Variants in FBN1 observed in about 807,000 individuals in gnomAD.
FBN1 encodes the protein fibrillin 1, also known as fibrillin-1.
In FBN1, 29 loss-of-function variants were observed where a neutral mutation model predicts 365.1. The observed-to-expected ratio is 0.08, with a 90% CI of 0.06 to 0.11. FBN1 has a LOEUF of 0.11. Among genes scored for constraint, FBN1 ranks in the 10% least tolerant of loss-of-function variants. The pLI is 1.00. For synonymous variants in FBN1, 1,210 were observed against 1,270.5 expected (o/e 0.95, Z 1.01); for missense variants, 2,476 against 3,703.2 (o/e 0.67, Z 8.60).
At chr15:48,415,400 A>C in intron 64 of FBN1, 136 bp downstream of exon 64, 1 of 738,982 alleles carries the variant, frequency 1.4e-6, no homozygotes, top group Non-Finnish European at 2.3e-6. Flanking sequence ...ACTTTTGCCA[A>C]GCTAACTGGA....
rs373719315 is a variant in FBN1 at position 48,526,065 on chromosome 15, T to TA, written c.988+64dup. 2.4e-4 allele frequency: 389 copies of TA among 1,596,446 alleles called. 1 individual carries two copies. In the African/African-American group the frequency reaches 4.6e-3, roughly 19 times the overall value. On this transcript the variant is annotated intron_variant, in intron 9 of 65. Transcript: ENST00000316623. Reference sequence around the variant, plus strand: ...ATATGTGCTCCTTAACAAGCTTGTTTAGAAAGTTGTTTGTTATGGAACTGA... The same window carrying TA: ...ATATGTGCTCCTTAACAAGCTTGTTTAAGAAAGTTGTTTGTTATGGAACTGA...
chr15:48,430,637 G>T, intron 56 of FBN1, 34 bp downstream of exon 56: 1 of 1,612,478 alleles, frequency 6.2e-7, no homozygotes. Context: ...CACTTCTGAT[G>T]CACTCAAAGC....
At chr15:48,514,665 G>A (rs2043786792) in intron 12 of FBN1, among the ~76,000 whole-genome samples, 3 of 152,108 alleles carry the variant, frequency 2.0e-5, no homozygotes, top group Admixed American at 2.0e-4. Context: ...TAGTCTAAGA[G>A]AGTTGGTAAG....
intron 6 of FBN1, among the ~76,000 whole-genome samples, chr15:48,583,051 A>G (rs1391329177): frequency 6.6e-6 from 1 of 152,156 alleles, no homozygotes; most frequent in East Asian, 1.9e-4. Context: ...CACACCTCTC[A>G]ATGTGTGGCC....
At chr15:48,416,156 G>C (rs182672592) in intron 63 of FBN1, among the ~76,000 whole-genome samples, 75 of 152,274 alleles carry the variant, frequency 4.9e-4, no homozygotes, top group Non-Finnish European at 8.4e-4. Context: ...AGGGTTCAAG[G>C]GGGGAGGAAA....
At chr15:48,531,952 T>G (rs887913928) in intron 8 of FBN1, among the ~76,000 whole-genome samples, 17 of 152,220 alleles carry the variant, frequency 1.1e-4, no homozygotes, top group African/African-American at 4.1e-4. Context: ...GCCAAAATAG[T>G]CTGTTTTTAT....
intron 7 of FBN1, among the ~76,000 whole-genome samples, chr15:48,535,419 T>C (rs796460481): frequency 4.6e-5 from 7 of 152,336 alleles, no homozygotes; most frequent in African/African-American, 1.7e-4. Context: ...AGCCCAAATA[T>C]TAACCTTCCA....
intron 13 of FBN1, among the ~76,000 whole-genome samples, chr15:48,512,179 T>C (rs1021418876): frequency 2.6e-5 from 4 of 152,194 alleles, no homozygotes; most frequent in African/African-American, 9.6e-5. Flanking sequence ...AATTCATAAA[T>C]TTTGAAGCCA....
chr15:48,548,182 T>C (rs1486887375), intron 6 of FBN1, among the ~76,000 whole-genome samples: 1 of 152,182 alleles, frequency 6.6e-6, no homozygotes, highest in Non-Finnish European at 1.5e-5. Context: ...TCGTCCATTT[T>C]TCAGACCTGC....
intron 2 of FBN1, among the ~76,000 whole-genome samples, chr15:48,621,433 T>C (rs1889763276): frequency 6.6e-6 from 1 of 152,198 alleles, no homozygotes; most frequent in Non-Finnish European, 1.5e-5. Flanking sequence ...AACCCATAAT[T>C]TCAATGTAAT....
intron 24 of FBN1, among the ~76,000 whole-genome samples, chr15:48,491,851 C>T (rs937315760): frequency 2.0e-5 from 3 of 152,270 alleles, no homozygotes; most frequent in East Asian, 3.9e-4. Flanking sequence ...ATGAGATGTG[C>T]GATCTCAAAC....
At chr15:48,595,801 A>C (rs1360790503) in intron 6 of FBN1, among the ~76,000 whole-genome samples, 6 of 152,182 alleles carry the variant, frequency 3.9e-5, no homozygotes, top group Admixed American at 3.9e-4. Flanking sequence ...GCAGACACTC[A>C]ATATATCTAT....
intron 58 of FBN1, among the ~76,000 whole-genome samples, chr15:48,426,245 G>A (rs1045281699): frequency 3.3e-5 from 5 of 152,194 alleles, no homozygotes; most frequent in Non-Finnish European, 7.3e-5. Flanking sequence ...CACAGAAGCA[G>A]ATCCTTTTGA....
At chr15:48,434,510 G>T (rs2043048957) in intron 54 of FBN1, 84 bp downstream of exon 54, 3 of 1,543,370 alleles carry the variant, frequency 1.9e-6, no homozygotes, top group African/African-American at 1.4e-5. Flanking sequence ...ACCCTGAGTT[G>T]TATTTAATAT....
chr15:48,496,813 C>T (rs1396184507), intron 19 of FBN1, among the ~76,000 whole-genome samples: 1 of 152,100 alleles, frequency 6.6e-6, no homozygotes, highest in South Asian at 2.1e-4. Flanking sequence ...GAATAATATG[C>T]CTGTCTGAAG....
chr15:48,502,929 T>C (rs1236780403), intron 17 of FBN1, among the ~76,000 whole-genome samples: 1 of 152,128 alleles, frequency 6.6e-6, no homozygotes, highest in African/African-American at 2.4e-5. Context: ...CGCTATCCAG[T>C]TCTCTTTTCA....
intron 42 of FBN1, among the ~76,000 whole-genome samples, chr15:48,460,950 A>G (rs2043276019): frequency 6.6e-6 from 1 of 152,164 alleles, no homozygotes; most frequent in Non-Finnish European, 1.5e-5. Flanking sequence ...ACTAAATTCT[A>G]TCAGCAGTCC....
At chr15:48,571,448 T>C (rs377072986) in intron 6 of FBN1, among the ~76,000 whole-genome samples, 6 of 152,216 alleles carry the variant, frequency 3.9e-5, no homozygotes, top group African/African-American at 1.4e-4. Flanking sequence ...TTAAAAGCCA[T>C]AGATAAATCA....
chr15:48,427,317 T>G (rs1440937709), intron 58 of FBN1, among the ~76,000 whole-genome samples: 2 of 152,226 alleles, frequency 1.3e-5, no homozygotes, highest in Non-Finnish European at 2.9e-5. Flanking sequence ...GTAAACGGTT[T>G]AAAAAGTTGA....
Sources: gnomAD v4.1 joint callset for allele counts (sites outside exome capture counted in the v4.1 genomes callset) on GRCh38, gnomAD v4.1.1 for gene constraint, MANE v1.5 for transcripts, NCBI Gene and HGNC (gene_info 2026-07-23, HGNC 2026-07-21) for gene names.